TMEM263: variants seen among roughly 807,000 people sequenced by gnomAD.
TMEM263 encodes UPF0444 transmembrane protein C12orf23.
TMEM263 carries 5 observed loss-of-function variants against 8.6 expected under a neutral mutation model. The observed-to-expected ratio is 0.58, with a 90% CI of 0.31 to 1.23. The LOEUF (loss-of-function observed/expected upper bound fraction) is 1.23. Ranked by LOEUF, TMEM263 falls within the 50% of genes most tolerant of loss-of-function variation. TMEM263 has a pLI of 0.07. For synonymous variants in TMEM263, 50 were observed against 47.9 expected (o/e 1.04, Z -0.18); for missense variants, 104 against 138.8 (o/e 0.75, Z 1.26).
intron 3 of TMEM263, among the ~76,000 whole-genome samples, chr12:106,968,896 C>G (rs1951880452): frequency 6.6e-6 from 1 of 152,124 alleles, no homozygotes; most frequent in Non-Finnish European, 1.5e-5. Flanking sequence ...TACAGAATTA[C>G]CAATTATGTA....
chr12:106,965,938 C>CT (rs1328037750), intron 2 of TMEM263, among the ~76,000 whole-genome samples: 1 of 151,646 alleles, frequency 6.6e-6, no homozygotes, highest in South Asian at 2.1e-4. Context: ...AGAGGGATGT[C>CT]TTTTTTTTAA....
chr12:106,967,032 A>T, intron 2 of TMEM263, 79 bp from the exon 3 acceptor site: 2 of 897,520 alleles, frequency 2.2e-6, no homozygotes, highest in Non-Finnish European at 3.6e-6. Context: ...TGTTGATGAA[A>T]TCGCAATTTA....
At chr12:106,970,242 A>G (rs539881027) in intron 3 of TMEM263, among the ~76,000 whole-genome samples, 97 of 152,290 alleles carry the variant, frequency 6.4e-4, no homozygotes, top group African/African-American at 2.0e-3. Flanking sequence ...TGCCTTTACA[A>G]TGTCAAAAAT....
Position 106,972,782 on chromosome 12 carries a change from C to CA in TMEM263, c.*1393dup, listed in dbSNP as rs1458055077. ...ATATATACTTGGCATTCCTGTCCAC[C>CA]AAGGATTGTAATCCAAGCCTGGGAA... is the stretch of plus-strand genomic sequence containing the variant. On this transcript the variant is annotated 3_prime_UTR_variant, in exon 4 of 4. Coordinates refer to ENST00000280756, the MANE Select transcript of TMEM263 (RefSeq NM_152261.4). The CA allele has an allele frequency of 3.3e-5, 5 of 151,550 alleles. No homozygotes were observed. The highest frequency in any genetic ancestry group is 7.4e-5 in the Non-Finnish European group (5 of 67,894). 9.4% of individuals were successfully genotyped at this position (151,550 alleles called of 1,614,324 possible).
intron 3 of TMEM263, among the ~76,000 whole-genome samples, chr12:106,969,409 T>C (rs774488148): frequency 1.5e-4 from 23 of 152,158 alleles, no homozygotes; most frequent in Non-Finnish European, 2.8e-4. Context: ...ACACTAATGC[T>C]TATGTGTTGT....
rs150222907 is a variant in TMEM263 at position 106,968,354 on chromosome 12, C to T, written c.64+1174C>T. 2.9e-3 allele frequency among the ~76,000 whole-genome samples: 430 copies of T among 148,558 alleles called. 1 individual carries two copies. Among genetic ancestry groups the T allele is most frequent in the South Asian group, 5.3e-3 (25 of 4,678 alleles). The stretch of plus-strand genomic sequence containing the variant: ...TCGTGCCACTGAACTTCAGCCTGGG[C>T]GACAGAGTGAGACTCCGTCTCAAAA... On this transcript the variant is annotated intron_variant, in intron 3 of 3. Transcript: ENST00000280756.
intron 3 of TMEM263, among the ~76,000 whole-genome samples, chr12:106,968,303 C>G (rs968884067): frequency 6.6e-6 from 1 of 151,732 alleles, no homozygotes; most frequent in Non-Finnish European, 1.5e-5. Context: ...TTCAAAAGAA[C>G]TATCGGAGAT....
At chr12:106,967,891 T>C (rs1951866773) in intron 3 of TMEM263, among the ~76,000 whole-genome samples, 1 of 152,338 alleles carries the variant, frequency 6.6e-6, no homozygotes, top group South Asian at 2.1e-4. Context: ...CATTATATTG[T>C]AATTGGTACC....
chr12:106,972,526 T>TATA lies in TMEM263; in HGVS notation c.*1135_*1136insATA. On this transcript the variant is annotated 3_prime_UTR_variant, in exon 4 of 4. Transcript: ENST00000280756. ...AAAGTATATAAAAGTGCATCAGTGG[T>TATA]TTATATAGGCTTTAAAAACATGTTA... 1 of 152,264 alleles carries TATA rather than the reference T, an allele frequency of 6.6e-6. No homozygotes were observed. 9.4% of individuals were successfully genotyped at this position (152,264 alleles called of 1,614,324 possible). A position where few individuals can be genotyped will look rare whatever the true frequency, so the allele number is the denominator to read the frequency against.
At chr12:106,962,468 GT>G (rs1195295833) in intron 2 of TMEM263, among the ~76,000 whole-genome samples, 1 of 152,158 alleles carries the variant, frequency 6.6e-6, no homozygotes, top group African/African-American at 2.4e-5. Flanking sequence ...TTTCAGATGT[GT>G]TTTGTTTGTT....
At chr12:106,965,741 C>T (rs1268697706) in intron 2 of TMEM263, among the ~76,000 whole-genome samples, 1 of 151,880 alleles carries the variant, frequency 6.6e-6, no homozygotes, top group East Asian at 1.9e-4. Flanking sequence ...TTGCCTTTCC[C>T]CATTGGAGTA....
At chr12:106,958,430 C>T (rs1326812923) in intron 2 of TMEM263, among the ~76,000 whole-genome samples, 1 of 152,040 alleles carries the variant, frequency 6.6e-6, no homozygotes, top group Non-Finnish European at 1.5e-5. Context: ...AATAAATTAC[C>T]CTTTAGGGAA....
intron 3 of TMEM263, among the ~76,000 whole-genome samples, chr12:106,970,436 CATTTTAG>C (rs1951904264): frequency 6.6e-6 from 1 of 152,136 alleles, no homozygotes; most frequent in Admixed American, 6.5e-5. Context: ...CTGGTTTATA[CATTTTAG>C]CAAATCTCTT....
intron 2 of TMEM263, among the ~76,000 whole-genome samples, chr12:106,964,254 G>T (rs1313777022): frequency 6.6e-6 from 1 of 152,146 alleles, no homozygotes; most frequent in Non-Finnish European, 1.5e-5. Context: ...TAGGGTTAAG[G>T]CTAGAATTGT....
intron 1 of TMEM263, 98 bp from the exon 2 acceptor site, chr12:106,956,984 G>C: frequency 1.4e-6 from 1 of 721,004 alleles, no homozygotes. Context: ...GAAAAGGGAA[G>C]GGTTCTTAAT....
At chr12:106,960,137 C>G (rs1409666505) in intron 2 of TMEM263, among the ~76,000 whole-genome samples, 1 of 152,028 alleles carries the variant, frequency 6.6e-6, no homozygotes, top group Non-Finnish European at 1.5e-5. Context: ...TGGGTTCAAG[C>G]AATTCTCCTG....
chr12:106,971,150 G>T lies in TMEM263; in HGVS notation c.110G>T (p.Arg37Leu). The T allele has an allele frequency of 6.2e-7, 1 of 1,614,168 alleles. No homozygotes were observed. The highest frequency in any genetic ancestry group is 8.5e-7 in the Non-Finnish European group (1 of 1,180,032). ...CAGCAGCAGCCAGGCATGTTGTCCC[G>T]TGTGACTGGGGGTATCTTCAGTGTT... ...HPQQQPGMLS[R>L]VTGGIFSVTK... is the part of the protein sequence containing the mutation. The change falls in exon 4 of 4, where the codon CGT becomes CTT. Residue 37 changes from arginine (R) to leucine (L), a missense_variant. Transcript: ENST00000280756.
chr12:106,960,102 T>C (rs1379202563), intron 2 of TMEM263, among the ~76,000 whole-genome samples: 2 of 152,102 alleles, frequency 1.3e-5, no homozygotes, highest in Non-Finnish European at 2.9e-5. Context: ...TGGTGAGATC[T>C]TGGTTCACTG....
At chr12:106,956,632 C>T (rs1951695956) in intron 1 of TMEM263, among the ~76,000 whole-genome samples, 1 of 152,070 alleles carries the variant, frequency 6.6e-6, no homozygotes, top group Non-Finnish European at 1.5e-5. Context: ...CTGGAGCACC[C>T]ATCCGTGCCG....
Sources: allele counts gnomAD v4.1 joint callset (sites outside exome capture counted in the v4.1 genomes callset), GRCh38; gene constraint gnomAD v4.1.1; transcripts MANE v1.5; gene names NCBI Gene and HGNC (gene_info 2026-07-23, HGNC 2026-07-21).